The following GRM8 variants were observed in gnomAD, a reference collection of about 807,000 sequenced individuals.
The protein encoded by GRM8 is glutamate metabotropic receptor 8, also known as metabotropic glutamate receptor 8.
In GRM8, 47 loss-of-function variants were observed where a neutral mutation model predicts 87.2. The observed-to-expected ratio is 0.54, with a 90% confidence interval of 0.43 to 0.69. GRM8 has a LOEUF of 0.69. GRM8 is among the 30% of genes least tolerant of loss of function. The probability of loss-of-function intolerance (pLI) is 0.00; values close to 1 mark genes in which losing one functional copy is unlikely to be tolerated. For synonymous variants in GRM8, 396 were observed against 404.5 expected (o/e 0.98, Z 0.25); for missense variants, 1,019 against 1,139.2 (o/e 0.89, Z 1.52).
intron 3 of GRM8, among the ~76,000 whole-genome samples, chr7:127,018,385 TAAAG>T (rs1815903931): frequency 1.4e-5 from 2 of 146,530 alleles, no homozygotes; most frequent in Non-Finnish European, 3.0e-5. Context: ...TGGAGAGCAA[TAAAG>T]AGCCCCCTGA....
chr7:127,229,035 G>C (rs1797519102), intron 2 of GRM8: 1 of 152,146 alleles, frequency 6.6e-6, no homozygotes, highest in South Asian at 2.1e-4. Context: ...TTAGATCAGT[G>C]ATTTAATATC....
In GRM8 at chr7:126,533,358, C is replaced by T. The variant is rs1173403441; in HGVS notation, c.2024G>A (p.Arg675Gln). Residue 675 changes from arginine to glutamine, a missense_variant, in exon 9 of 11, where the codon CGA (arginine) becomes CAA (glutamine). Coordinates refer to ENST00000339582, the MANE Select transcript of GRM8 (RefSeq NM_000845.3). ...AGATTTCTTCCCCTGCTCAAATATT[C>T]GGTGGATACGGTTTGTTTTGGTCAG... ...ALLTKTNRIH[R>Q]IFEQGKKSVT... The T allele has an allele frequency of 1.2e-6, 2 of 1,613,790 alleles. No homozygotes were observed. The highest frequency in any genetic ancestry group is 1.7e-6 in the Non-Finnish European group (2 of 1,179,916).
chr7:127,085,778 T>C (rs1649835931), intron 3 of GRM8, among the ~76,000 whole-genome samples: 1 of 152,256 alleles, frequency 6.6e-6, no homozygotes, highest in Non-Finnish European at 1.5e-5. Context: ...GATGATAGTT[T>C]CTTTTGCTGT....
At chr7:126,859,014 AC>A (rs1211008129) in intron 6 of GRM8, among the ~76,000 whole-genome samples, 1 of 151,252 alleles carries the variant, frequency 6.6e-6, no homozygotes, top group Non-Finnish European at 1.5e-5. Context: ...ACCTTCCCAG[AC>A]CTTCCCAGAC....
intron 3 of GRM8, among the ~76,000 whole-genome samples, chr7:127,073,539 C>G (rs1729793324): frequency 1.3e-5 from 2 of 152,132 alleles, no homozygotes; most frequent in African/African-American, 2.4e-5. Flanking sequence ...TTTATTACCC[C>G]CCAATGGTGT....
intron 3 of GRM8, among the ~76,000 whole-genome samples, chr7:127,036,638 T>A (rs374950170): frequency 1.3e-5 from 2 of 152,260 alleles, no homozygotes; most frequent in East Asian, 1.9e-4. Context: ...AAGTTGCCAT[T>A]TGGTTTGGTC....
At chr7:126,966,738 A>G (rs928344275) in intron 3 of GRM8, among the ~76,000 whole-genome samples, 1 of 152,226 alleles carries the variant, frequency 6.6e-6, no homozygotes, top group African/African-American at 2.4e-5. Context: ...ATGAAACAAA[A>G]CAACTGGGCC....
intron 8 of GRM8, among the ~76,000 whole-genome samples, chr7:126,549,212 G>A (rs980579492): frequency 1.3e-5 from 2 of 151,960 alleles, no homozygotes; most frequent in African/African-American, 4.8e-5. Context: ...TTTCTGATGG[G>A]GAAATCCAAA....
At chr7:126,985,634 T>A (rs1180159889) in intron 3 of GRM8, among the ~76,000 whole-genome samples, 3 of 152,128 alleles carry the variant, frequency 2.0e-5, no homozygotes, top group African/African-American at 7.2e-5. Flanking sequence ...CTGGCAGGGA[T>A]TCTCTGTGGG....
intron 6 of GRM8, among the ~76,000 whole-genome samples, chr7:126,884,613 A>T (rs550398050): frequency 8.4e-4 from 128 of 152,288 alleles, no homozygotes; most frequent in African/African-American, 3.0e-3. Flanking sequence ...TCCTGTTGGG[A>T]AGAACTGTCT....
chr7:126,765,215 A>T (rs1424748037), intron 7 of GRM8, among the ~76,000 whole-genome samples: 1 of 152,138 alleles, frequency 6.6e-6, no homozygotes, highest in African/African-American at 2.4e-5. Context: ...GAAGAAGAGA[A>T]AACCAATATA....
At chr7:126,801,979 A>G (rs1010829771) in intron 6 of GRM8, among the ~76,000 whole-genome samples, 2 of 152,188 alleles carry the variant, frequency 1.3e-5, no homozygotes, top group African/African-American at 4.8e-5. Context: ...GTAATGTGTC[A>G]CTATATTACT....
intron 7 of GRM8, among the ~76,000 whole-genome samples, chr7:126,713,683 T>C (rs905636267): frequency 1.3e-5 from 2 of 151,134 alleles, no homozygotes; most frequent in African/African-American, 4.9e-5. Flanking sequence ...GATAATACAG[T>C]GGCATTCTTC....
At chr7:127,009,812 G>A (rs767166577) in intron 3 of GRM8, among the ~76,000 whole-genome samples, 12 of 151,816 alleles carry the variant, frequency 7.9e-5, no homozygotes, top group Non-Finnish European at 1.6e-4. Context: ...GTATAGCATG[G>A]TCAGAAATAA....
At chr7:126,624,933 C>T (rs1219368444) in intron 7 of GRM8, among the ~76,000 whole-genome samples, 1 of 152,216 alleles carries the variant, frequency 6.6e-6, no homozygotes, top group African/African-American at 2.4e-5. Context: ...ATCCGTGCTA[C>T]TAACCTGTTA....
intron 3 of GRM8, among the ~76,000 whole-genome samples, chr7:126,923,487 T>C (rs1804753804): frequency 6.6e-6 from 1 of 152,180 alleles, no homozygotes; most frequent in Non-Finnish European, 1.5e-5. Context: ...GGATATTGTT[T>C]GCAATATAAT....
intron 3 of GRM8, among the ~76,000 whole-genome samples, chr7:127,071,612 T>C (rs1401503920): frequency 2.6e-5 from 4 of 152,198 alleles, no homozygotes; most frequent in Admixed American, 1.3e-4. Flanking sequence ...GAAATAACCC[T>C]TCCTGGCAAC....
intron 8 of GRM8, among the ~76,000 whole-genome samples, chr7:126,597,963 T>C (rs1288637001): frequency 1.3e-5 from 2 of 152,062 alleles, no homozygotes; most frequent in East Asian, 3.9e-4. Context: ...AATTATACAA[T>C]AAAGTATTGT....
At chr7:126,694,501 A>G (rs1210951606) in intron 7 of GRM8, among the ~76,000 whole-genome samples, 3 of 152,192 alleles carry the variant, frequency 2.0e-5, no homozygotes, top group Admixed American at 2.0e-4. Flanking sequence ...CTATATTTAT[A>G]GCAGTTTCAT....
Sources: allele counts gnomAD v4.1 joint callset (sites outside exome capture counted in the v4.1 genomes callset), GRCh38; gene constraint gnomAD v4.1.1; transcripts MANE v1.5; gene names NCBI Gene and HGNC (gene_info 2026-07-23, HGNC 2026-07-21).